Variants in SGPL1 observed in about 807,000 individuals in gnomAD.
The protein encoded by SGPL1 is SP-lyase 1.
SGPL1 carries 37 observed loss-of-function variants against 68.9 expected under a neutral mutation model. The ratio of observed to expected loss-of-function variants is 0.54; its 90% CI spans 0.41 to 0.71. The LOEUF is 0.71. Ranked by LOEUF, SGPL1 falls within the 30% of genes least tolerant of loss-of-function variation. The pLI is 0.00. For missense variants in SGPL1, 551 were observed against 704.6 expected (o/e 0.78, Z 2.47); for synonymous variants, 236 against 248.5 (o/e 0.95, Z 0.47).
At chr10:70,854,682 T>A (rs1219644040) in intron 4 of SGPL1, 26 bp from the exon 5 acceptor site, 4 of 1,594,350 alleles carry the variant, frequency 2.5e-6, no homozygotes, top group African/African-American at 2.7e-5. Context: ...TGCATCTGGA[T>A]AACTTTGTCT....
At chr10:70,858,808 T>C (rs1846003579) in intron 6 of SGPL1, among the ~76,000 whole-genome samples, 1 of 152,218 alleles carries the variant, frequency 6.6e-6, no homozygotes, top group African/African-American at 2.4e-5. Flanking sequence ...ATCATTCCTC[T>C]TGTTCCAAAT....
chr10:70,860,786 A>G (rs1260070177), intron 7 of SGPL1, among the ~76,000 whole-genome samples: 1 of 152,214 alleles, frequency 6.6e-6, no homozygotes. Flanking sequence ...ATCAGGATAT[A>G]TGGACATTAA....
chr10:70,869,753 G>A (rs1415099340), intron 8 of SGPL1, 39 bp from the exon 9 acceptor site: 1 of 1,462,978 alleles, frequency 6.8e-7, no homozygotes, highest in Non-Finnish European at 9.5e-7. Flanking sequence ...CTATTATTTT[G>A]GCCTGAGTTA....
intron 2 of SGPL1, among the ~76,000 whole-genome samples, chr10:70,832,183 C>T (rs1845551788): frequency 6.6e-6 from 1 of 152,166 alleles, no homozygotes; most frequent in Admixed American, 6.5e-5. Flanking sequence ...CAGCTGCTTA[C>T]TTCAGCTTTT....
At chr10:70,871,380 A>T (rs1846292833) in intron 10 of SGPL1, among the ~76,000 whole-genome samples, 1 of 152,218 alleles carries the variant, frequency 6.6e-6, no homozygotes, top group Non-Finnish European at 1.5e-5. Context: ...TAAACTGGAA[A>T]TTCTGAAATA....
intron 2 of SGPL1, among the ~76,000 whole-genome samples, chr10:70,821,800 T>C (rs1289463232): frequency 6.6e-6 from 1 of 152,198 alleles, no homozygotes; most frequent in Non-Finnish European, 1.5e-5. Flanking sequence ...ATTCCCTTCT[T>C]GGAGGTTAAC....
At chr10:70,823,486 TA>T (rs1219910671) in intron 2 of SGPL1, among the ~76,000 whole-genome samples, 15 of 144,782 alleles carry the variant, frequency 1.0e-4, no homozygotes, top group African/African-American at 3.3e-4. Flanking sequence ...GTTTTGCATT[TA>T]AAAAGAAAAA....
intron 3 of SGPL1, among the ~76,000 whole-genome samples, chr10:70,848,801 C>T (rs1302735211): frequency 6.6e-6 from 1 of 152,120 alleles, no homozygotes; most frequent in Non-Finnish European, 1.5e-5. Flanking sequence ...TTAAAATCTA[C>T]TTTCTTAGCA....
chr10:70,828,106 G>A (rs1269690551), intron 2 of SGPL1, among the ~76,000 whole-genome samples: 1 of 152,124 alleles, frequency 6.6e-6, no homozygotes, highest in East Asian at 1.9e-4. Flanking sequence ...ACATGTCTTG[G>A]TAAACATAAA....
At chr10:70,859,934 C>T (rs1589466649) in intron 7 of SGPL1, among the ~76,000 whole-genome samples, 2 of 152,264 alleles carry the variant, frequency 1.3e-5, no homozygotes, top group East Asian at 3.9e-4. Flanking sequence ...ACCTGCATAC[C>T]TACCATTCCC....
At chr10:70,865,542 C>T (rs1846170054) in intron 7 of SGPL1, among the ~76,000 whole-genome samples, 1 of 152,188 alleles carries the variant, frequency 6.6e-6, no homozygotes, top group African/African-American at 2.4e-5. Context: ...TCTGTCTCCC[C>T]CACTCCTCCC....
At chr10:70,874,346 C>T (rs1403345363) in intron 12 of SGPL1, among the ~76,000 whole-genome samples, 1 of 152,136 alleles carries the variant, frequency 6.6e-6, no homozygotes, top group African/African-American at 2.4e-5. Context: ...CTTTGGGAGG[C>T]CAAGGCAAAA....
At chr10:70,833,179 G>T (rs111341765) in intron 2 of SGPL1, among the ~76,000 whole-genome samples, 2 of 152,328 alleles carry the variant, frequency 1.3e-5, no homozygotes, top group African/African-American at 4.8e-5. Context: ...GGGATGGAAA[G>T]ATGCTTTGCC....
At chr10:70,840,974 G>A (rs1308906536) in intron 2 of SGPL1, among the ~76,000 whole-genome samples, 1 of 152,102 alleles carries the variant, frequency 6.6e-6, no homozygotes, top group Non-Finnish European at 1.5e-5. Context: ...TTAGGAATTA[G>A]TATCACCAGA....
chr10:70,867,747 A>AT (rs1423690035), intron 7 of SGPL1, among the ~76,000 whole-genome samples: 1 of 152,162 alleles, frequency 6.6e-6, no homozygotes, highest in Non-Finnish European at 1.5e-5. Context: ...TGTTTATCAG[A>AT]GGGGCTAGGC....
chr10:70,859,534 T>G (rs776142396), intron 7 of SGPL1, 35 bp downstream of exon 7: 10 of 1,310,034 alleles, frequency 7.6e-6, no homozygotes, highest in Admixed American at 2.8e-5. Context: ...ATAGCCTTAT[T>G]TTTTAGGTTA....
chr10:70,842,822 C>CT (rs1026525352), intron 2 of SGPL1, among the ~76,000 whole-genome samples: 3 of 152,200 alleles, frequency 2.0e-5, no homozygotes, highest in African/African-American at 7.2e-5. Context: ...CCTCACGTCT[C>CT]TGATTTAAGT....
chr10:70,862,468 AAGC>A (rs992170289), intron 7 of SGPL1, among the ~76,000 whole-genome samples: 1 of 152,000 alleles, frequency 6.6e-6, no homozygotes, highest in African/African-American at 2.4e-5. Flanking sequence ...AAGAGAATAA[AAGC>A]AGGCTGCCAG....
intron 5 of SGPL1, among the ~76,000 whole-genome samples, chr10:70,855,666 C>CA (rs2131905172): frequency 6.6e-6 from 1 of 152,310 alleles, no homozygotes; most frequent in African/African-American, 2.4e-5. Flanking sequence ...ATTATTAACT[C>CA]AAACAGATTT....
Sources: allele counts gnomAD v4.1 joint callset (sites outside exome capture counted in the v4.1 genomes callset), GRCh38; gene constraint gnomAD v4.1.1; transcripts MANE v1.5; gene names NCBI Gene and HGNC (gene_info 2026-07-23, HGNC 2026-07-21).